ETNK2: variants seen among roughly 807,000 people sequenced by gnomAD.
ETNK2 encodes ethanolamine kinase 2.
In ETNK2, 33 loss-of-function variants were observed where a neutral mutation model predicts 46.2. That is an observed-to-expected ratio of 0.71 (90% CI 0.54 to 0.96). ETNK2 has a LOEUF of 0.96. ETNK2 is among the 40% of genes least tolerant of loss of function. The pLI is 0.00. For missense variants in ETNK2, 445 were observed against 509.7 expected (o/e 0.87, Z 1.22); for synonymous variants, 194 against 209.0 (o/e 0.93, Z 0.62).
intron 3 of ETNK2, 39 bp from the exon 4 acceptor site, chr1:204,141,496 C>CT: frequency 7.1e-6 from 11 of 1,549,810 alleles, no homozygotes; most frequent in Non-Finnish European, 9.6e-6. Context: ...GAAAGGAGGG[C>CT]TGATAGACAG....
At chr1:204,148,987 C>T (rs1277759120) in intron 2 of ETNK2, among the ~76,000 whole-genome samples, 2 of 152,188 alleles carry the variant, frequency 1.3e-5, no homozygotes, top group African/African-American at 4.8e-5. Flanking sequence ...GAGGACACTG[C>T]TTGCCATCCT....
intron 6 of ETNK2, among the ~76,000 whole-genome samples, chr1:204,136,025 T>C (rs1558230207): frequency 6.6e-6 from 1 of 152,172 alleles, no homozygotes; most frequent in East Asian, 1.9e-4. Context: ...TCTGAGTCAG[T>C]GGAGGTAGTT....
chr1:204,138,318 G>A lies in ETNK2; in HGVS notation c.869-1069C>T, dbSNP rs182392980. The stretch of plus-strand genomic sequence containing the variant: ...TAGCTCTCTTCCTTCCCCCAGGCTA[G>A]GTTCTTCCTCCTCCATTCTCAACTT... On this transcript the variant is annotated intron_variant, in intron 5 of 7. Coordinates refer to ENST00000367202, the MANE Select transcript of ETNK2 (RefSeq NM_018208.4). Among the ~76,000 whole-genome samples, 313 of 152,270 alleles carry A rather than the reference G, an allele frequency of 2.1e-3. 3 individuals carry two copies. The highest frequency in any genetic ancestry group is 5.6e-3 in the Admixed American group (85 of 15,296).
chr1:204,148,569 GACACACAC>G (rs61199759), intron 2 of ETNK2, among the ~76,000 whole-genome samples: 55,728 of 145,114 alleles, frequency 0.38, 10,571 homozygotes, highest in Admixed American at 0.46. Context: ...ACACCCTCAA[GACACACAC>G]ACACACACAC....
rs143697309 is a variant in ETNK2 at position 204,151,524 on chromosome 1, G to A, written c.258+71C>T. On this transcript the variant is annotated intron_variant, in intron 1 of 7. Coordinates refer to ENST00000367202, the MANE Select transcript of ETNK2 (RefSeq NM_018208.4). The surrounding 1 kb of genome is among the most constrained non-coding windows in gnomAD (Gnocchi z 8.0). Reference sequence around the variant, plus strand: ...GGGACTGACACCCGGAAGGATGCGAGGACTGGGTCCCCGCATCCCCCTGGC... The same window carrying A: ...GGGACTGACACCCGGAAGGATGCGAAGACTGGGTCCCCGCATCCCCCTGGC... The A allele has an allele frequency of 3.3e-4, 505 of 1,536,658 alleles. No individual in the cohort carries two copies. Among genetic ancestry groups the A allele is most frequent in the Non-Finnish European group, 4.1e-4 (465 of 1,141,078 alleles).
chr1:204,146,274 G>A (rs1222771831), intron 3 of ETNK2, among the ~76,000 whole-genome samples: 1 of 152,160 alleles, frequency 6.6e-6, no homozygotes, highest in Non-Finnish European at 1.5e-5. Flanking sequence ...AGAGCCCTGG[G>A]CTGGGAAACA....
At chr1:204,147,976 G>T (rs114654555) in intron 2 of ETNK2, among the ~76,000 whole-genome samples, 2,898 of 152,312 alleles carry the variant, frequency 0.019, 52 homozygotes, top group Non-Finnish European at 0.029. Flanking sequence ...GGAAGATTCG[G>T]AACAGAGCAT....
intron 6 of ETNK2, 168 bp from the exon 7 acceptor site, chr1:204,134,756 C>T (rs1051276758): frequency 1.5e-5 from 22 of 1,498,838 alleles, no homozygotes; most frequent in Non-Finnish European, 2.0e-5. Context: ...GGCCAAGTCA[C>T]TGCACAGCAT....
intron 7 of ETNK2, among the ~76,000 whole-genome samples, chr1:204,133,798 T>C (rs1426007214): frequency 1.3e-5 from 2 of 152,260 alleles, no homozygotes. Context: ...CCCAAAGTGC[T>C]GGGATTACAG....
At chr1:204,136,711 C>T (rs148396414) in intron 6 of ETNK2, among the ~76,000 whole-genome samples, 2 of 137,428 alleles carry the variant, frequency 1.5e-5, no homozygotes, top group Admixed American at 7.5e-5. Flanking sequence ...GAGACTCTGC[C>T]TCAAAAAAAA....
Position 204,132,193 on chromosome 1 carries a change from C to T in ETNK2, c.1152G>A (p.Met384Ile). The T allele has an allele frequency of 1.3e-6, 2 of 1,571,864 alleles. No homozygotes were observed. Among genetic ancestry groups the T allele is most frequent in the Non-Finnish European group, 1.7e-6 (2 of 1,158,216 alleles). The change falls in exon 8 of 8, where the codon ATG becomes ATA. Residue 384 changes from methionine (M) to isoleucine (I), a missense_variant. Coordinates refer to ENST00000367202, the MANE Select transcript of ETNK2 (RefSeq NM_018208.4). The stretch of plus-strand genomic sequence containing the variant: ...GGGATGGGGTGGCTGGTCACTTTGG[C>T]ATCTCCAAGGCTGACGCTTGAGGCT... The part of the protein sequence containing the change: ...KVKPQASALE[M>I]PK
intron 5 of ETNK2, 96 bp downstream of exon 5, chr1:204,139,939 A>G: frequency 2.0e-6 from 2 of 981,496 alleles, no homozygotes; most frequent in Non-Finnish European, 1.6e-6. Flanking sequence ...ATTACCGTAA[A>G]TATACAGTAA....
At position 204,151,343 on chromosome 1, in the gene ETNK2, A is replaced by G; in HGVS notation, c.258+252T>C. On this transcript the variant is annotated intron_variant, in intron 1 of 7. Transcript: ENST00000367202. This position sits in a 1 kb window ranked among gnomAD's most constrained non-coding sequence, Gnocchi z 8.0. ...CGGCCCGCACACGCAGCATGCCGAC[A>G]GTGGGCAGGTGGCCACCAGGCGTGC... 1 of 567,944 alleles carries G rather than the reference A, an allele frequency of 1.8e-6. No homozygotes were observed. Among genetic ancestry groups the G allele is most frequent in the Non-Finnish European group, 3.0e-6 (1 of 329,498 alleles). The allele number at this position is 567,944 out of a possible 1,614,324, so 35.2% of individuals were successfully genotyped here.
intron 5 of ETNK2, 60 bp downstream of exon 5, chr1:204,139,975 G>C: frequency 1.5e-6 from 2 of 1,330,838 alleles, no homozygotes; most frequent in Non-Finnish European, 2.2e-6. Context: ...ATCTACATGC[G>C]GTCAGTCATT....
chr1:204,142,977 C>G (rs1056078239), intron 3 of ETNK2: 1 of 152,074 alleles, frequency 6.6e-6, no homozygotes. Context: ...TTAAGGAAAG[C>G]AGTCCTTGGC....
At chr1:204,136,988 T>C (rs1657310451) in intron 6 of ETNK2, 116 bp downstream of exon 6, 2 of 1,389,086 alleles carry the variant, frequency 1.4e-6, no homozygotes. Flanking sequence ...GAGCCAGGGA[T>C]GGGTGTCCCC....
chr1:204,144,358 A>AAAAAAAAAAAAAAAAAAC (rs1657693996), intron 3 of ETNK2, among the ~76,000 whole-genome samples: 1 of 149,010 alleles, frequency 6.7e-6, no homozygotes, highest in African/African-American at 2.5e-5. Flanking sequence ...AAAAAAAAAA[A>AAAAAAAAAAAAAAAAAAC]AAAAAAAAAA....
chr1:204,141,022 C>T (rs1209246801), intron 4 of ETNK2: 3 of 451,422 alleles, frequency 6.6e-6, no homozygotes, highest in Admixed American at 3.2e-5. Context: ...GACAGGGTCT[C>T]ACCACATTGC....
intron 1 of ETNK2, among the ~76,000 whole-genome samples, 156 bp from the exon 2 acceptor site, chr1:204,150,118 C>T (rs1254948979): frequency 6.6e-6 from 1 of 152,204 alleles, no homozygotes; most frequent in Non-Finnish European, 1.5e-5. Flanking sequence ...ACTCATGCTC[C>T]TCTCTGTCCC....
Sources: allele counts gnomAD v4.1 joint callset (sites outside exome capture counted in the v4.1 genomes callset), GRCh38; gene constraint gnomAD v4.1.1; non-coding constraint Gnocchi (gnomAD v3.1); transcripts MANE v1.5; gene names NCBI Gene and HGNC (gene_info 2026-07-23, HGNC 2026-07-21).